AMMECR1: variants seen among roughly 807,000 people sequenced by gnomAD.
AMMECR1 encodes the protein nuclear protein AMMECR1.
AMMECR1 carries 3 observed loss-of-function variants against 22.5 expected under a neutral mutation model. The observed-to-expected ratio is 0.13, with a 90% CI of 0.06 to 0.35. The LOEUF (loss-of-function observed/expected upper bound fraction) is 0.35. Ranked by LOEUF, AMMECR1 falls within the 10% of genes least tolerant of loss-of-function variation. AMMECR1 has a pLI of 1.00. For missense variants in AMMECR1, 235 were observed against 278.7 expected, an observed-to-expected ratio of 0.84 and a Z score of 1.12; for synonymous variants, 130 against 116.7, an observed-to-expected ratio of 1.11 and a Z score of -0.74.
chrX:110,436,667 G>C (rs902620084), intron 1 of AMMECR1, among the ~76,000 whole-genome samples: 3 of 111,976 alleles, frequency 2.7e-5, no homozygotes, highest in African/African-American at 9.8e-5. Flanking sequence ...CCTTGAAAGA[G>C]TGGACTCTGT....
chrX:110,314,980 C>T (rs1251207790), intron 1 of AMMECR1, among the ~76,000 whole-genome samples: 1 of 111,115 alleles, frequency 9.0e-6, no homozygotes, highest in African/African-American at 3.3e-5. Context: ...TGTGCGTTTA[C>T]GTATGAGAAG....
chrX:110,276,206 C>T (rs1028426895), intron 1 of AMMECR1, among the ~76,000 whole-genome samples: 3 of 111,957 alleles, frequency 2.7e-5, no homozygotes, highest in African/African-American at 9.7e-5. Context: ...TTATAGTATA[C>T]TTTTCAGCTC....
At chrX:110,426,404 C>A (rs763700093) in intron 2 of AMMECR1, among the ~76,000 whole-genome samples, 1 of 111,597 alleles carries the variant, frequency 9.0e-6, no homozygotes, top group East Asian at 2.8e-4. Context: ...GTCTGCTTGC[C>A]CACGGAGGAG....
intron 2 of AMMECR1, among the ~76,000 whole-genome samples, chrX:110,419,554 A>G (rs1569426048): frequency 8.9e-6 from 1 of 112,704 alleles, no homozygotes; most frequent in Admixed American, 9.3e-5. Flanking sequence ...CTCCAAGAGG[A>G]CAGGGACCTT....
chrX:110,248,267 T>G (rs1237357183), intron 2 of AMMECR1, among the ~76,000 whole-genome samples: 1 of 110,722 alleles, frequency 9.0e-6, no homozygotes, highest in Non-Finnish European at 1.9e-5. Flanking sequence ...GCACCTGTAG[T>G]ACCAGCCACA....
chrX:110,381,675 G>T (rs2068420340), intron 2 of AMMECR1, among the ~76,000 whole-genome samples: 1 of 111,448 alleles, frequency 9.0e-6, no homozygotes, highest in Non-Finnish European at 1.9e-5. Context: ...ATCAACATAG[G>T]TGCCCATTGA....
chrX:110,348,072 C>T (rs1018819853), intron 2 of AMMECR1, among the ~76,000 whole-genome samples: 4 of 111,514 alleles, frequency 3.6e-5, no homozygotes, highest in African/African-American at 1.3e-4. Context: ...TACATGGTTA[C>T]CTTTTTTTGG....
intron 1 of AMMECR1, among the ~76,000 whole-genome samples, chrX:110,314,593 A>C (rs1383222790): frequency 1.8e-5 from 2 of 112,138 alleles, no homozygotes; most frequent in Admixed American, 9.4e-5. Context: ...TAACTAGCTC[A>C]ACACCTGGCA....
chrX:110,395,001 G>A (rs1398473407), intron 2 of AMMECR1, among the ~76,000 whole-genome samples: 1 of 112,719 alleles, frequency 8.9e-6, no homozygotes, highest in Non-Finnish European at 1.9e-5. Context: ...ATCTGGAACT[G>A]TTACAGGGCC....
chrX:110,244,375 T>C (rs1041011402), intron 2 of AMMECR1, among the ~76,000 whole-genome samples: 1 of 111,666 alleles, frequency 9.0e-6, no homozygotes, highest in Admixed American at 9.6e-5. Flanking sequence ...TCTCTTCTCA[T>C]ATATATTTCT....
At position 110,196,037 on chromosome X, in the gene AMMECR1, G is replaced by A. The variant is rs762757201; in HGVS notation, c.*2483C>T. 8.9e-6 allele frequency: 1 copy of A among 111,970 alleles called. No homozygotes were observed. Among genetic ancestry groups the A allele is most frequent in the Middle Eastern group, 4.6e-3 (1 of 216 alleles). 9.2% of individuals were successfully genotyped at this position (111,970 alleles called of 1,213,427 possible). A position where few individuals can be genotyped will look rare whatever the true frequency, so the allele number is the denominator to read the frequency against. On this transcript the variant is annotated 3_prime_UTR_variant, in exon 6 of 6. Transcript: ENST00000262844. ...AGGATGGTTATTTCTTCAGTTTAAC[G>A]TTATTACACTGCTAAGAAAATCTGT...
chrX:110,344,821 C>T (rs928481640), intron 2 of AMMECR1, among the ~76,000 whole-genome samples: 2 of 111,021 alleles, frequency 1.8e-5, no homozygotes, highest in African/African-American at 3.3e-5. Flanking sequence ...GTTAGAATGG[C>T]GATCATTAAA....
intron 2 of AMMECR1, among the ~76,000 whole-genome samples, chrX:110,361,986 A>G (rs769121008): frequency 7.1e-5 from 8 of 112,035 alleles, no homozygotes; most frequent in Admixed American, 4.7e-4. Context: ...GCCATAGTGT[A>G]CTGACCCCTG....
At chrX:110,270,976 G>A (rs1569393962) in intron 1 of AMMECR1, among the ~76,000 whole-genome samples, 2 of 112,097 alleles carry the variant, frequency 1.8e-5, no homozygotes, top group South Asian at 3.7e-4. Context: ...GAATGAATGA[G>A]ACTCCTCCAG....
chrX:110,229,666 A>C (rs1320217215), intron 2 of AMMECR1, among the ~76,000 whole-genome samples: 1 of 112,205 alleles, frequency 8.9e-6, no homozygotes, highest in East Asian at 2.8e-4. Flanking sequence ...GGACAGTGGG[A>C]ACAGCCCACG....
chrX:110,314,377 C>G (rs953936039), intron 1 of AMMECR1, among the ~76,000 whole-genome samples: 1 of 111,966 alleles, frequency 8.9e-6, no homozygotes, highest in African/African-American at 3.2e-5. Flanking sequence ...ATTCAGTAGA[C>G]TATAACCAGT....
At chrX:110,281,726 C>T (rs1401222805) in intron 1 of AMMECR1, among the ~76,000 whole-genome samples, 1 of 112,261 alleles carries the variant, frequency 8.9e-6, no homozygotes, top group Non-Finnish European at 1.9e-5. Context: ...CAATAACTAA[C>T]TTTTTAGAAG....
chrX:110,374,784 G>A lies in AMMECR1; in HGVS notation c.-148+51874C>T, dbSNP rs780450831. Among the ~76,000 whole-genome samples the A allele has an allele frequency of 2.7e-5, 3 of 110,510 alleles. No homozygotes were observed. The South Asian group carries it at 1.2e-3, about 43-fold the overall frequency. On this transcript the variant is annotated intron_variant, in intron 2 of 7. Transcript: ENST00000372057. ...GATAAGGTGCATGAATAGACCATAG[G>A]ATAGGAAATGAGCTTGGGGTGGATA...
At chrX:110,405,374 C>T (rs1270957748) in intron 2 of AMMECR1, among the ~76,000 whole-genome samples, 4 of 111,104 alleles carry the variant, frequency 3.6e-5, no homozygotes, top group Non-Finnish European at 7.5e-5. Context: ...TGGGTAGCAG[C>T]GTAAAAGCCA....
Sources: allele counts gnomAD v4.1 joint callset (sites outside exome capture counted in the v4.1 genomes callset), GRCh38; gene constraint gnomAD v4.1.1; transcripts MANE v1.5; gene names NCBI Gene and HGNC (gene_info 2026-07-23, HGNC 2026-07-21).